TMEM63B: variants seen among roughly 807,000 people sequenced by gnomAD.
TMEM63B encodes transmembrane protein 63B, also known as mechanosensitive cation channel TMEM63B.
TMEM63B carries 23 observed loss-of-function variants against 102.6 expected under a neutral mutation model. That is an observed-to-expected ratio of 0.22 (90% CI 0.16 to 0.32). The LOEUF (loss-of-function observed/expected upper bound fraction) is 0.32, where lower values mean the gene tolerates loss of function less well. TMEM63B is among the 10% of genes least tolerant of loss of function. TMEM63B has a pLI of 1.00. For missense variants in TMEM63B, 628 were observed against 1,095.9 expected, an observed-to-expected ratio of 0.57 and a Z score of 6.03; for synonymous variants, 444 against 437.0, an observed-to-expected ratio of 1.02 and a Z score of -0.20.
chr6:44,150,660 C>G lies in TMEM63B; in HGVS notation c.1673+31C>G, dbSNP rs1374722076. 1.2e-6 allele frequency: 2 copies of G among 1,607,372 alleles called. No individual in the cohort carries two copies. Among genetic ancestry groups the G allele is most frequent in the South Asian group, 2.2e-5 (2 of 90,852 alleles). On this transcript the variant is annotated intron_variant, in intron 18 of 23. Transcript: ENST00000323267. This position sits in a 1 kb window ranked among gnomAD's most constrained non-coding sequence, Gnocchi z 4.7. ...TGACTGGGGCCCCTAGGGAAAGAGACCAGACAGCAGGGGTGGGTATGCTTG... is the reference window on the plus strand; with the variant it reads ...TGACTGGGGCCCCTAGGGAAAGAGAGCAGACAGCAGGGGTGGGTATGCTTG...
chr6:44,153,015 T>TCA (rs1227536396), intron 20 of TMEM63B, among the ~76,000 whole-genome samples: 3 of 152,154 alleles, frequency 2.0e-5, no homozygotes, highest in Admixed American at 6.5e-5. Context: ...GCTGACATGT[T>TCA]CACACACACA....
At chr6:44,154,658 G>A in intron 23 of TMEM63B, 34 bp from the exon 24 acceptor site, 3 of 1,523,408 alleles carry the variant, frequency 2.0e-6, no homozygotes, top group Non-Finnish European at 2.6e-6. Context: ...AGGGGCAGCT[G>A]TTCACCTTGC....
In TMEM63B at chr6:44,153,688, T is replaced by C; in HGVS notation, c.1955T>C (p.Met652Thr). 6.2e-7 allele frequency: 1 copy of C among 1,613,934 alleles called. No homozygotes were observed. The highest frequency in any genetic ancestry group is 8.5e-7 in the Non-Finnish European group (1 of 1,179,936). Reference protein sequence around the residue: ...PIIVPFGLMYMLLKHLVDRYN... With the variant: ...PIIVPFGLMYTLLKHLVDRYN... ...TGGCTTCCCTTAGGGCTCATGTACA[T>C]GCTGCTGAAGCACCTGGTAGACAGG... Residue 652 changes from methionine to threonine, a missense_variant, in exon 21 of 24, where the codon ATG becomes ACG. Coordinates refer to ENST00000323267, the MANE Select transcript of TMEM63B (RefSeq NM_018426.3).
rs1765880547 is a variant in TMEM63B at position 44,148,441 on chromosome 6, C to G, written c.1121+56C>G. 2 of 1,613,106 alleles carry G rather than the reference C, an allele frequency of 1.2e-6. No homozygotes were observed. The highest frequency in any genetic ancestry group is 8.5e-7 in the Non-Finnish European group (1 of 1,179,360). ...GCAGCCCTCCAGGGCTCCCTGACCC[C>G]TGTGCTCATGGCCTTCTGCCAGCAG... On this transcript the variant is annotated intron_variant, in intron 13 of 23. Coordinates refer to ENST00000323267, the MANE Select transcript of TMEM63B (RefSeq NM_018426.3). The surrounding 1 kb of genome is among the most constrained non-coding windows in gnomAD (Gnocchi z 5.1).
rs149854068 is a variant in TMEM63B, at chr6:44,154,929, C to T, written c.*46C>T. ...GGCCACATCCTGCCCCACCCCACCC[C>T]CACTCCCACGGACACTAAAACGCTA... On this transcript the variant is annotated 3_prime_UTR_variant, in exon 24 of 24. Coordinates refer to ENST00000323267, the MANE Select transcript of TMEM63B (RefSeq NM_018426.3). The T allele has an allele frequency of 4.1e-3, 5,931 of 1,456,684 alleles. 31 individuals are homozygous for T. The highest frequency in any genetic ancestry group is 4.3e-3 in the Non-Finnish European group (4,734 of 1,096,858). 90.2% of individuals were successfully genotyped at this position (1,456,684 alleles called of 1,614,324 possible). A position where few individuals can be genotyped will look rare whatever the true frequency, so the allele number is the denominator to read the frequency against.
At position 44,148,344 on chromosome 6, in the gene TMEM63B, C is replaced by T; in HGVS notation, c.1080C>T (p.Gly360=). The T allele has an allele frequency of 6.2e-7, 1 of 1,614,266 alleles. No individual in the cohort carries two copies. The highest frequency in any genetic ancestry group is 8.5e-7 in the Non-Finnish European group (1 of 1,180,042). ...AGAAGGTGAATGAGAAGCCTCTTGG[C>T]ATGGCCTTTGTCACCTTCCACAATG... is the stretch of plus-strand genomic sequence containing the variant. ...EKEKVNEKPL[G]MAFVTFHNET... Residue 360 remains glycine (G), a synonymous_variant, in exon 13 of 24, where the codon GGC becomes GGT. Coordinates refer to ENST00000323267, the MANE Select transcript of TMEM63B (RefSeq NM_018426.3). The surrounding 1 kb of genome is among the most constrained non-coding windows in gnomAD (Gnocchi z 5.1).
chr6:44,145,057 A>T (rs935412406), intron 10 of TMEM63B, among the ~76,000 whole-genome samples: 34 of 152,018 alleles, frequency 2.2e-4, no homozygotes, highest in Non-Finnish European at 7.4e-5. Flanking sequence ...TGGGTGAATC[A>T]CAAGGTCAGG....
chr6:44,147,869 A>G (rs183315445), intron 12 of TMEM63B, among the ~76,000 whole-genome samples: 2 of 152,318 alleles, frequency 1.3e-5, no homozygotes, highest in African/African-American at 2.4e-5. Flanking sequence ...TATGCCTGTA[A>G]TCCCAGCACT....
chr6:44,133,959 C>G (rs545102647), intron 1 of TMEM63B, among the ~76,000 whole-genome samples: 2 of 152,318 alleles, frequency 1.3e-5, no homozygotes, highest in African/African-American at 4.8e-5. Context: ...GTAACTCAAA[C>G]CCAGAAGTCC....
chr6:44,139,828 G>A, intron 8 of TMEM63B, 69 bp downstream of exon 8: 1 of 1,598,238 alleles, frequency 6.3e-7, no homozygotes, highest in Non-Finnish European at 8.6e-7. Flanking sequence ...GTGGGACAGG[G>A]AGGAAAGGCA....
intron 1 of TMEM63B, among the ~76,000 whole-genome samples, chr6:44,134,189 A>T (rs980508131): frequency 1.3e-5 from 2 of 152,118 alleles, no homozygotes; most frequent in African/African-American, 4.8e-5. Flanking sequence ...CTGTCTTCCC[A>T]GGCTCAGCTC....
At chr6:44,131,221 A>G (rs1002831902) in intron 1 of TMEM63B, among the ~76,000 whole-genome samples, 1 of 151,910 alleles carries the variant, frequency 6.6e-6, no homozygotes, top group African/African-American at 2.4e-5. Context: ...CCTGGCACCT[A>G]CTACTACTTT....
At chr6:44,143,935 A>G (rs969082536) in intron 10 of TMEM63B, among the ~76,000 whole-genome samples, 1 of 152,166 alleles carries the variant, frequency 6.6e-6, no homozygotes, top group African/African-American at 2.4e-5. Flanking sequence ...TATACCTACT[A>G]TGTGCTTCAT....
Position 44,127,626 on chromosome 6 carries a change from C to T in TMEM63B, c.-77C>T, listed in dbSNP as rs1435384642. On this transcript the variant is annotated 5_prime_UTR_variant, in exon 1 of 24. Transcript: ENST00000323267. ...CGACTCCCCCTCCCCCTCCCCCAGC[C>T]CCGCCCCGCCCCAACCCGGGGCTCC... 1 of 150,582 alleles carries T rather than the reference C, an allele frequency of 6.6e-6. No homozygotes were observed. Among genetic ancestry groups the T allele is most frequent in the Non-Finnish European group, 1.5e-5 (1 of 67,410 alleles). 9.3% of individuals were successfully genotyped at this position (150,582 alleles called of 1,614,324 possible).
intron 23 of TMEM63B, 81 bp downstream of exon 23, chr6:44,154,526 G>A (rs1767608882): frequency 6.3e-7 from 1 of 1,578,802 alleles, no homozygotes; most frequent in African/African-American, 1.3e-5. Context: ...TGCAGAAAGG[G>A]GAACCTGTGC....
intron 1 of TMEM63B, among the ~76,000 whole-genome samples, chr6:44,130,705 C>A (rs1778095787): frequency 6.6e-6 from 1 of 150,802 alleles, no homozygotes; most frequent in South Asian, 2.1e-4. Context: ...CCCACCACAG[C>A]CTCCCAAAGT....
In TMEM63B at chr6:44,150,763, G is replaced by A. The variant is rs1261301151; in HGVS notation, c.1673+134G>A. The A allele has an allele frequency of 7.3e-6, 7 of 962,188 alleles. No homozygotes were observed. The highest frequency in any genetic ancestry group is 1.5e-5 in the South Asian group (1 of 67,284). The allele number at this position is 962,188 out of a possible 1,614,324, so 59.6% of individuals were successfully genotyped here. Reference sequence around the variant, plus strand: ...GGGGGCAGAAGAGAGAGGATCTGGCGGGGTTACCCCAAAGGCACCCACAAG... The same window carrying A: ...GGGGGCAGAAGAGAGAGGATCTGGCAGGGTTACCCCAAAGGCACCCACAAG... On this transcript the variant is annotated intron_variant, in intron 18 of 23. Transcript: ENST00000323267. The surrounding 1 kb of genome is among the most constrained non-coding windows in gnomAD (Gnocchi z 4.7).
intron 4 of TMEM63B, 22 bp from the exon 5 acceptor site, chr6:44,136,327 C>G (rs1375821300): frequency 1.9e-6 from 3 of 1,610,120 alleles, no homozygotes; most frequent in African/African-American, 1.3e-5. Flanking sequence ...GCTCTCTGAT[C>G]TCTCATCTCC....
chr6:44,147,311 A>G (rs958111299), intron 11 of TMEM63B, 66 bp from the exon 12 acceptor site: 5 of 1,611,760 alleles, frequency 3.1e-6, no homozygotes, highest in Non-Finnish European at 4.2e-6. Context: ...GGAGTGAGCT[A>G]GATGACCCCC....
Sources: gnomAD v4.1 joint callset for allele counts (sites outside exome capture counted in the v4.1 genomes callset) on GRCh38, gnomAD v4.1.1 for gene constraint, Gnocchi (gnomAD v3.1) non-coding constraint, MANE v1.5 for transcripts, NCBI Gene and HGNC (gene_info 2026-07-23, HGNC 2026-07-21) for gene names.